RALGDS: variants seen among roughly 807,000 people sequenced by gnomAD.
RALGDS encodes ral guanine nucleotide exchange factor.
In RALGDS, 44 loss-of-function variants were observed where a neutral mutation model predicts 99.8. The observed-to-expected ratio is 0.44, with a 90% CI of 0.35 to 0.57. The LOEUF (loss-of-function observed/expected upper bound fraction) is 0.57. RALGDS is among the 20% of genes least tolerant of loss of function. The pLI is 0.01. For synonymous variants in RALGDS, 529 were observed against 505.0 expected (o/e 1.05, Z -0.64); for missense variants, 1,022 against 1,203.1 (o/e 0.85, Z 2.23).
At chr9:133,103,031 G>A in intron 12 of RALGDS, 131 bp from the exon 13 acceptor site, 1 of 1,455,718 alleles carries the variant, frequency 6.9e-7, no homozygotes, top group East Asian at 2.4e-5. Context: ...TCTCAAAGTT[G>A]GGCTCAGCCA....
intron 14 of RALGDS, 110 bp from the exon 15 acceptor site, chr9:133,102,249 G>T: frequency 8.0e-7 from 1 of 1,254,886 alleles, no homozygotes; most frequent in Non-Finnish European, 1.1e-6. Context: ...ACAGTTGCCA[G>T]TACTCCATTC....
chr9:133,098,475 G>T lies in RALGDS; in HGVS notation c.*112C>A. On this transcript the variant is annotated 3_prime_UTR_variant, in exon 18 of 18. Transcript: ENST00000372050. Reference sequence around the variant, plus strand: ...AGCGGGAGAGGTTCAGGATGAAACTGGAGTCTGGGGTACCCTGGGCTGGCA... The same window carrying T: ...AGCGGGAGAGGTTCAGGATGAAACTTGAGTCTGGGGTACCCTGGGCTGGCA... 1 of 1,135,106 alleles carries T rather than the reference G, an allele frequency of 8.8e-7. No individual in the cohort carries two copies. The allele number at this position is 1,135,106 out of a possible 1,614,324, so 70.3% of individuals were successfully genotyped here. A position where few individuals can be genotyped will look rare whatever the true frequency, so the allele number is the denominator to read the frequency against.
At chr9:133,117,822 G>A (rs1322053759) in intron 1 of RALGDS, among the ~76,000 whole-genome samples, 1 of 152,200 alleles carries the variant, frequency 6.6e-6, no homozygotes, top group East Asian at 1.9e-4. Context: ...TGACTGCCTG[G>A]GTGCAGCTTC....
chr9:133,109,268 C>A (rs1341824148), intron 4 of RALGDS, among the ~76,000 whole-genome samples: 1 of 152,192 alleles, frequency 6.6e-6, no homozygotes, highest in African/African-American at 2.4e-5. Context: ...AGCCTGCCCA[C>A]TGAGCACTCA....
intron 1 of RALGDS, among the ~76,000 whole-genome samples, chr9:133,140,638 C>T (rs1294108193): frequency 6.6e-6 from 1 of 151,968 alleles, no homozygotes; most frequent in Non-Finnish European, 1.5e-5. Context: ...AATTATGTGC[C>T]CACCATGCAG....
In RALGDS at chr9:133,108,298, G is replaced by T. The variant is rs1215972831; in HGVS notation, c.887C>A (p.Ala296Asp). ...CTCTGAACCTGGAGCTGGTGTTGGA[G>T]CTGGCTCTGGCTCCGGGGCTGGAGC... is the stretch of plus-strand genomic sequence containing the variant. Reference protein sequence around the residue: ...VPAPAPEPEPAPTPAPGSELE... With the variant: ...VPAPAPEPEPDPTPAPGSELE... Residue 296 changes from alanine (A) to aspartate (D), a missense_variant, in exon 6 of 18, where the codon GCT becomes GAT. Around this residue, in one of 3 missense-constraint regions of RALGDS, gnomAD observed 825 missense variants for 994.5 expected, o/e 0.83. Coordinates refer to ENST00000372050, the MANE Select transcript of RALGDS (RefSeq NM_006266.4). The T allele has an allele frequency of 9.7e-6, 15 of 1,552,990 alleles. No individual in the cohort carries two copies. Among genetic ancestry groups the T allele is most frequent in the Middle Eastern group, 1.7e-4 (1 of 5,972 alleles).
At chr9:133,139,450 G>T (rs978357231) in intron 1 of RALGDS, among the ~76,000 whole-genome samples, 2 of 152,118 alleles carry the variant, frequency 1.3e-5, no homozygotes, top group African/African-American at 4.8e-5. Flanking sequence ...TCCACACTGG[G>T]CACTACCCAC....
intron 7 of RALGDS, 53 bp from the exon 8 acceptor site, chr9:133,106,801 C>T (rs1564233358): frequency 1.4e-6 from 2 of 1,395,072 alleles, no homozygotes; most frequent in South Asian, 1.2e-5. Flanking sequence ...CCCAGCTTGC[C>T]TGGCCTCAGT....
At chr9:133,133,414 C>T (rs1832376519), upstream of RALGDS, among the ~76,000 whole-genome samples, 1 of 152,228 alleles carries the variant, frequency 6.6e-6, no homozygotes, top group South Asian at 2.1e-4. Flanking sequence ...CTCCCACCCA[C>T]GTGGTCCCTG....
upstream of RALGDS, among the ~76,000 whole-genome samples, chr9:133,124,922 G>T (rs920155352): frequency 6.6e-6 from 1 of 152,266 alleles, no homozygotes; most frequent in Non-Finnish European, 1.5e-5. Flanking sequence ...ACTGCCATTT[G>T]TGGGATTACA....
chr9:133,105,841 CCGCCCCA>C lies in RALGDS; in HGVS notation c.1602+84_1602+90del, dbSNP rs1487696827. On this transcript the variant is annotated intron_variant, in intron 9 of 17. Transcript: ENST00000372050. ...GCCGCCCCAGCCCCCGCCCCAGCCC[CCGCCCCA>C]GCCCCCGCCCCAGCCCCAGCCCCCG... 4.3e-4 allele frequency: 34 copies of C among 79,870 alleles called. 1 individual carries two copies. Among genetic ancestry groups the C allele is most frequent in the African/African-American group, 2.9e-3 (34 of 11,552 alleles). 4.9% of individuals were successfully genotyped at this position (79,870 alleles called of 1,614,324 possible). A position where few individuals can be genotyped will look rare whatever the true frequency, so the allele number is the denominator to read the frequency against.
chr9:133,132,012 A>G (rs1001335874), upstream of RALGDS, among the ~76,000 whole-genome samples: 3 of 152,102 alleles, frequency 2.0e-5, no homozygotes, highest in African/African-American at 7.2e-5. Flanking sequence ...CATAACAGAC[A>G]TTTGATCAAT....
At chr9:133,129,312 G>C (rs623361) in intron 1 of RALGDS, 1 of 1,581,768 alleles carries the variant, frequency 6.3e-7, no homozygotes, top group South Asian at 1.1e-5. Context: ...CCTGCTTCCC[G>C]GGCCATGGTG....
At position 133,107,311 on chromosome 9, in the gene RALGDS, G is replaced by A; in HGVS notation, c.1198-11C>T. 1 of 1,607,182 alleles carries A rather than the reference G, an allele frequency of 6.2e-7. No individual in the cohort carries two copies. The highest frequency in any genetic ancestry group is 8.5e-7 in the Non-Finnish European group (1 of 1,175,280). ...CTTCTTGAACAGTTCCTGGGGAGGA[G>A]GCTAAATGTCACCTGGTCCTGCCCC... On this transcript the variant is annotated splice_polypyrimidine_tract_variant and intron_variant, in intron 6 of 17. Transcript: ENST00000372050.
At chr9:133,098,816 ATACCCC>A in intron 17 of RALGDS, 54 bp from the exon 18 acceptor site, 1 of 1,568,942 alleles carries the variant, frequency 6.4e-7, no homozygotes, top group Non-Finnish European at 8.8e-7. Context: ...GCCCTGCAGG[ATACCCC>A]TACCGCTTGA....
chr9:133,100,989 G>A (rs1433742965), intron 16 of RALGDS: 3 of 1,053,650 alleles, frequency 2.8e-6, no homozygotes, highest in Admixed American at 9.9e-5. Context: ...ATCTGTCGCA[G>A]GACACCTGGA....
At chr9:133,105,872 C>CGCCCCAGCCCCCGCCCCA (rs1831019310) in intron 9 of RALGDS, 60 bp downstream of exon 9, 1 of 27,156 alleles carries the variant, frequency 3.7e-5, no homozygotes, top group African/African-American at 1.5e-4. Flanking sequence ...CCCCAGCCCC[C>CGCCCCAGCCCCCGCCCCA]GCCCCAGCCC....
At chr9:133,109,787 AT>A (rs368366646) in intron 3 of RALGDS, 66 bp from the exon 4 acceptor site, 35,619 of 947,816 alleles carry the variant, frequency 0.038, 1 homozygote, top group East Asian at 0.051. Context: ...GAGGGCAGGG[AT>A]TTTTTTTTTT....
At chr9:133,131,033 C>T (rs749483418) in exon 1 of RALGDS, 45 of 1,533,284 alleles carry the variant, frequency 2.9e-5, no homozygotes, top group Middle Eastern at 1.7e-4. Flanking sequence ...ACAGCAGAGG[C>T]GGGGAGGAGA....
Sources: allele counts gnomAD v4.1 joint callset (sites outside exome capture counted in the v4.1 genomes callset), GRCh38; gene constraint gnomAD v4.1.1; regional missense constraint gnomAD v4.1.1; transcripts MANE v1.5; gene names NCBI Gene and HGNC (gene_info 2026-07-23, HGNC 2026-07-21).